The following TRPM3 variants were observed in gnomAD, a reference collection of about 807,000 sequenced individuals.
TRPM3 encodes the protein transient receptor potential cation channel subfamily M member 3.
In TRPM3, 77 loss-of-function variants were observed where a neutral mutation model predicts 181.2. The ratio of observed to expected loss-of-function variants is 0.42; its 90% CI spans 0.35 to 0.51. The LOEUF (loss-of-function observed/expected upper bound fraction) is 0.51, where lower values mean the gene tolerates loss of function less well. TRPM3 is among the 20% of genes least tolerant of loss of function. The pLI is 0.01. For missense variants in TRPM3, 1,759 were observed against 2,196.7 expected, an observed-to-expected ratio of 0.80 and a Z score of 3.98; for synonymous variants, 745 against 796.4, an observed-to-expected ratio of 0.94 and a Z score of 1.09.
intron 1 of TRPM3, among the ~76,000 whole-genome samples, chr9:71,256,945 G>T (rs114858044): frequency 6.6e-6 from 1 of 152,024 alleles, no homozygotes; most frequent in Non-Finnish European, 1.5e-5. Flanking sequence ...ATATTATAAC[G>T]TCTTGGATAT....
At chr9:71,067,209 T>C (rs2062042469) in intron 1 of TRPM3, among the ~76,000 whole-genome samples, 1 of 148,112 alleles carries the variant, frequency 6.8e-6, no homozygotes, top group East Asian at 2.0e-4. Flanking sequence ...ACACTGTGTA[T>C]AGTATTTTCA....
In TRPM3 at chr9:70,688,485, C is replaced by A. The variant is rs148512927; in HGVS notation, c.1273-6907G>T. On this transcript the variant is annotated intron_variant, in intron 8 of 25. Transcript: ENST00000677713. ...AATCCCCTTAGTCCATTATATCATA[C>A]TTATGCCTTTGCATCCTCATAGCTT... Among the ~76,000 whole-genome samples, 1,460 of 152,262 alleles carry A rather than the reference C, an allele frequency of 9.6e-3. 22 individuals carry two copies. Among genetic ancestry groups the A allele is most frequent in the African/African-American group, 0.034 (1,394 of 41,546 alleles).
chr9:70,814,859 C>T (rs1156624621), intron 6 of TRPM3, among the ~76,000 whole-genome samples: 1 of 151,838 alleles, frequency 6.6e-6, no homozygotes, highest in African/African-American at 2.4e-5. Context: ...TTCCCTCTCT[C>T]CCTTCCTGCT....
chr9:70,857,046 T>A (rs116908125), intron 3 of TRPM3, among the ~76,000 whole-genome samples: 622 of 152,266 alleles, frequency 4.1e-3, no homozygotes, highest in Middle Eastern at 0.02. Context: ...TTCTTGTTGC[T>A]CTGTAAAGGG....
chr9:70,635,339 A>C, intron 11 of TRPM3, 78 bp from the exon 12 acceptor site: 1 of 1,318,760 alleles, frequency 7.6e-7, no homozygotes, highest in Admixed American at 1.7e-5. Flanking sequence ...ATCTAGAAGG[A>C]AGGGTGCTGG....
rs537719409 is a variant in TRPM3, at chr9:71,065,869, T to TA, written c.177+55308_177+55309insT. Among the ~76,000 whole-genome samples, 146 of 152,270 alleles carry TA rather than the reference T, an allele frequency of 9.6e-4. 1 individual carries two copies. The highest frequency in any genetic ancestry group is 3.3e-3 in the African/African-American group (137 of 41,554). Reference sequence around the variant, plus strand: ...AACACAATACGTGTGAGCCTGGGCATTTCTAGAGACTGATATGCTAGAAAA... The same window carrying TA: ...AACACAATACGTGTGAGCCTGGGCATATTCTAGAGACTGATATGCTAGAAAA... On this transcript the variant is annotated intron_variant, in intron 1 of 25. Transcript: ENST00000677713.
At chr9:71,216,342 C>G (rs2079866640) in intron 1 of TRPM3, among the ~76,000 whole-genome samples, 1 of 152,222 alleles carries the variant, frequency 6.6e-6, no homozygotes, top group Non-Finnish European at 1.5e-5. Flanking sequence ...ACTTATTTCT[C>G]TCTCATAGAT....
chr9:70,824,270 G>A (rs544015107), intron 6 of TRPM3, among the ~76,000 whole-genome samples: 117 of 152,244 alleles, frequency 7.7e-4, no homozygotes, highest in African/African-American at 2.8e-3. Context: ...AGTGTAAGAG[G>A]TGGTAGACAC....
intron 22 of TRPM3, among the ~76,000 whole-genome samples, chr9:70,582,212 C>G (rs958866338): frequency 3.8e-5 from 5 of 131,464 alleles, no homozygotes; most frequent in South Asian, 5.1e-4. Flanking sequence ...GTGTGTGTGT[C>G]ATGAATCCAT....
intron 1 of TRPM3, among the ~76,000 whole-genome samples, chr9:71,267,955 G>C (rs749529438): frequency 2.0e-5 from 3 of 152,176 alleles, no homozygotes; most frequent in Non-Finnish European, 2.9e-5. Context: ...AATCTCTTGA[G>C]ATCAGCTGAT....
At chr9:71,163,354 G>A (rs1416704717) in intron 1 of TRPM3, among the ~76,000 whole-genome samples, 1 of 151,924 alleles carries the variant, frequency 6.6e-6, no homozygotes, top group Non-Finnish European at 1.5e-5. Context: ...AGGTAGGTAG[G>A]TAGATTGATG....
At chr9:71,167,641 A>G (rs2076603157) in intron 1 of TRPM3, among the ~76,000 whole-genome samples, 1 of 152,196 alleles carries the variant, frequency 6.6e-6, no homozygotes, top group South Asian at 2.1e-4. Flanking sequence ...TCTGAGAGCC[A>G]TAGGCTCATG....
intron 1 of TRPM3, among the ~76,000 whole-genome samples, chr9:71,199,915 C>A (rs1477430621): frequency 6.6e-6 from 1 of 152,116 alleles, no homozygotes; most frequent in Non-Finnish European, 1.5e-5. Flanking sequence ...CTTCTGCTAG[C>A]TTTTGAATGT....
At chr9:70,839,031 T>C (rs2094486710) in intron 5 of TRPM3, among the ~76,000 whole-genome samples, 1 of 152,162 alleles carries the variant, frequency 6.6e-6, no homozygotes, top group South Asian at 2.1e-4. Context: ...ACCTTCCACC[T>C]TGAGTTGCTA....
chr9:70,557,438 G>GTTGTTCTATAATGGTTTCTAATGATGTCC (rs1167451762), intron 22 of TRPM3, among the ~76,000 whole-genome samples: 2 of 152,204 alleles, frequency 1.3e-5, no homozygotes, highest in African/African-American at 4.8e-5. Context: ...AATGCAAAAT[G>GTTGTTCTATAATGGTTTCTAATGATGTCC]TTGTTCTATA....
chr9:70,833,088 T>A (rs547510845), intron 5 of TRPM3, among the ~76,000 whole-genome samples: 41 of 152,366 alleles, frequency 2.7e-4, no homozygotes, highest in Non-Finnish European at 5.9e-4. Flanking sequence ...GCCTCTAAAA[T>A]TGAGTCTGGA....
intron 6 of TRPM3, among the ~76,000 whole-genome samples, chr9:70,820,764 A>G (rs1398919713): frequency 1.3e-5 from 2 of 152,034 alleles, no homozygotes; most frequent in African/African-American, 4.8e-5. Context: ...AAGCTAGGGA[A>G]TTGTTATCCC....
At chr9:71,418,082 T>C (rs1241911819) in intron 1 of TRPM3, among the ~76,000 whole-genome samples, 3 of 151,988 alleles carry the variant, frequency 2.0e-5, no homozygotes, top group African/African-American at 7.2e-5. Context: ...GCTTTTAATT[T>C]AGCTTCAATA....
intron 9 of TRPM3, among the ~76,000 whole-genome samples, chr9:70,673,371 G>T (rs2063351950): frequency 6.6e-6 from 1 of 151,896 alleles, no homozygotes; most frequent in Non-Finnish European, 1.5e-5. Flanking sequence ...AGCTTGATCT[G>T]CAAGTCAGAA....
Sources: gnomAD v4.1 joint callset for allele counts (sites outside exome capture counted in the v4.1 genomes callset) on GRCh38, gnomAD v4.1.1 for gene constraint, MANE v1.5 for transcripts, NCBI Gene and HGNC (gene_info 2026-07-23, HGNC 2026-07-21) for gene names.